TNNI3K: variants seen among roughly 807,000 people sequenced by gnomAD.
TNNI3K encodes the protein TNNI3 interacting kinase.
Under a neutral mutation model 114.5 loss-of-function variants are expected in TNNI3K, and 140 were observed. The ratio of observed to expected loss-of-function variants is 1.22; its 90% CI spans 1.07 to 1.41. The LOEUF (loss-of-function observed/expected upper bound fraction) is 1.41, where lower values mean the gene tolerates loss of function less well. TNNI3K is among the 40% of genes most tolerant of loss of function. The probability of loss-of-function intolerance (pLI) is 0.00; values close to 1 mark genes in which losing one functional copy is unlikely to be tolerated. For missense variants in TNNI3K, 1,125 were observed against 1,007.6 expected, an observed-to-expected ratio of 1.12 and a Z score of -1.58; for synonymous variants, 347 against 347.5, an observed-to-expected ratio of 1.00 and a Z score of 0.02.
intron 5 of TNNI3K, among the ~76,000 whole-genome samples, chr1:74,321,977 A>C (rs556691668): frequency 6.6e-6 from 1 of 152,180 alleles, no homozygotes; most frequent in African/African-American, 2.4e-5. Flanking sequence ...AGATTATATA[A>C]ATATATAAAT....
intron 20 of TNNI3K, among the ~76,000 whole-genome samples, chr1:74,459,266 C>G (rs1448046456): frequency 6.6e-6 from 1 of 152,194 alleles, no homozygotes; most frequent in African/African-American, 2.4e-5. Context: ...TAGCCAAGTA[C>G]TGTGCTAGGC....
intron 23 of TNNI3K, among the ~76,000 whole-genome samples, chr1:74,538,372 T>C (rs1570757763): frequency 6.6e-6 from 1 of 152,052 alleles, no homozygotes; most frequent in East Asian, 1.9e-4. Context: ...GGGTAGAATG[T>C]CATTTAAGGA....
intron 17 of TNNI3K, chr1:74,372,479 T>G (rs1662666831): frequency 6.6e-6 from 1 of 151,912 alleles, no homozygotes; most frequent in African/African-American, 2.4e-5. Context: ...TTATAATTAT[T>G]TACTAGTTTT....
At chr1:74,404,620 A>G (rs1215399451) in intron 17 of TNNI3K, among the ~76,000 whole-genome samples, 1 of 152,188 alleles carries the variant, frequency 6.6e-6, no homozygotes, top group Non-Finnish European at 1.5e-5. Flanking sequence ...TGTATTGCTA[A>G]CAAGTTCCCA....
At chr1:74,446,384 G>T (rs1475745786) in intron 20 of TNNI3K, among the ~76,000 whole-genome samples, 1 of 149,792 alleles carries the variant, frequency 6.7e-6, no homozygotes, top group African/African-American at 2.5e-5. Context: ...TTTTGATGGG[G>T]TTGTTTGTTT....
At chr1:74,427,784 A>G (rs768167728) in intron 17 of TNNI3K, among the ~76,000 whole-genome samples, 1 of 152,124 alleles carries the variant, frequency 6.6e-6, no homozygotes, top group Non-Finnish European at 1.5e-5. Context: ...AACCATACAT[A>G]GAAATGAAAA....
intron 5 of TNNI3K, among the ~76,000 whole-genome samples, chr1:74,308,174 C>T (rs1161761289): frequency 6.6e-6 from 1 of 152,088 alleles, no homozygotes; most frequent in East Asian, 1.9e-4. Context: ...ACCTAATAGA[C>T]ATCTACAGAA....
At chr1:74,505,560 C>A (rs1166326909) in intron 23 of TNNI3K, among the ~76,000 whole-genome samples, 1 of 140,454 alleles carries the variant, frequency 7.1e-6, no homozygotes, top group Non-Finnish European at 1.5e-5. Flanking sequence ...ATTGTTTTTT[C>A]TTTTTTTCAC....
At chr1:74,409,769 C>T (rs900522004) in intron 17 of TNNI3K, among the ~76,000 whole-genome samples, 1 of 152,168 alleles carries the variant, frequency 6.6e-6, no homozygotes, top group African/African-American at 2.4e-5. Flanking sequence ...GCAGGGATTA[C>T]AGGCGTGAGC....
Position 74,394,545 on chromosome 1 carries a change from C to CT in TNNI3K, c.1772+24156dup, listed in dbSNP as rs565008545. 1.4e-3 allele frequency among the ~76,000 whole-genome samples: 209 copies of CT among 152,244 alleles called. 2 individuals are homozygous for CT. Among genetic ancestry groups the CT allele is most frequent in the African/African-American group, 4.7e-3 (197 of 41,546 alleles). ...CTGATGCCTGCTTGTCAGCAACCCCCTTTCCCCCCTTAGCTGCCCTCACCC... is the reference window on the plus strand; with the variant it reads ...CTGATGCCTGCTTGTCAGCAACCCCCTTTTCCCCCCTTAGCTGCCCTCACCC... On this transcript the variant is annotated intron_variant, in intron 17 of 24. Transcript: ENST00000326637.
chr1:74,491,976 T>C (rs552578177), intron 22 of TNNI3K, 121 bp from the exon 23 acceptor site: 1 of 1,341,548 alleles, frequency 7.5e-7, no homozygotes, highest in African/African-American at 1.4e-5. Context: ...AGGAGCAAGC[T>C]GAGTGAATAG....
At chr1:74,451,314 C>T (rs1472400496) in intron 20 of TNNI3K, among the ~76,000 whole-genome samples, 2 of 152,014 alleles carry the variant, frequency 1.3e-5, no homozygotes, top group Non-Finnish European at 2.9e-5. Context: ...ACCTAGGTGA[C>T]AGGTTGATAG....
At chr1:74,367,561 A>G (rs1174489326) in intron 12 of TNNI3K, among the ~76,000 whole-genome samples, 1 of 151,910 alleles carries the variant, frequency 6.6e-6, no homozygotes, top group African/African-American at 2.4e-5. Context: ...AGCTCCTCCA[A>G]GTTTAACATT....
rs1209001657 is a variant in TNNI3K, at chr1:74,480,387, G to T, written c.2122-8802G>T. Reference sequence around the variant, plus strand: ...TAGTTTCTTAAAAACCGAGCAAGGGGATGGAGATCACAAGTGCAGCTCCAC... The same window carrying T: ...TAGTTTCTTAAAAACCGAGCAAGGGTATGGAGATCACAAGTGCAGCTCCAC... On this transcript the variant is annotated intron_variant, in intron 21 of 24. Transcript: ENST00000326637. The T allele has an allele frequency of 4.2e-6, 3 of 717,472 alleles. No individual in the cohort carries two copies. In the South Asian group the frequency reaches 4.4e-5, roughly 11 times the overall value. The allele number at this position is 717,472 out of a possible 1,614,324, so 44.4% of individuals were successfully genotyped here. A position where few individuals can be genotyped will look rare whatever the true frequency, so the allele number is the denominator to read the frequency against.
At chr1:74,338,281 AG>A (rs139937133) in intron 7 of TNNI3K, among the ~76,000 whole-genome samples, 2 of 151,854 alleles carry the variant, frequency 1.3e-5, no homozygotes, top group East Asian at 1.9e-4. Flanking sequence ...TTTGGGAAAA[AG>A]AAAGCTTTAG....
chr1:74,397,154 GAGAA>G (rs1317196377), intron 17 of TNNI3K, among the ~76,000 whole-genome samples: 1 of 152,006 alleles, frequency 6.6e-6, no homozygotes, highest in African/African-American at 2.4e-5. Context: ...GGCACAGAGA[GAGAA>G]AGAGGAAGAA....
intron 17 of TNNI3K, among the ~76,000 whole-genome samples, chr1:74,418,884 C>T (rs1409352654): frequency 6.6e-6 from 1 of 152,028 alleles, no homozygotes; most frequent in Non-Finnish European, 1.5e-5. Context: ...CTGATTGCTC[C>T]TACTTAGCAG....
chr1:74,352,719 G>A (rs1398531512), intron 9 of TNNI3K, among the ~76,000 whole-genome samples: 3 of 152,156 alleles, frequency 2.0e-5, no homozygotes, highest in African/African-American at 7.2e-5. Flanking sequence ...ATCTCAGACT[G>A]CTGTGCTAGC....
intron 4 of TNNI3K, among the ~76,000 whole-genome samples, chr1:74,257,254 A>G (rs923163689): frequency 1.3e-5 from 2 of 152,082 alleles, no homozygotes; most frequent in Non-Finnish European, 2.9e-5. Context: ...TATAATTTCA[A>G]TTTCTCTGCT....
Sources: allele counts gnomAD v4.1 joint callset (sites outside exome capture counted in the v4.1 genomes callset), GRCh38; gene constraint gnomAD v4.1.1; transcripts MANE v1.5; gene names NCBI Gene and HGNC (gene_info 2026-07-23, HGNC 2026-07-21).